Variants in XPO7 observed in about 807,000 individuals in gnomAD.
The protein encoded by XPO7 is exportin 7.
A neutral mutation model predicts 144.3 loss-of-function variants in XPO7; 21 were observed. That is an observed-to-expected ratio of 0.15 (90% confidence interval 0.10 to 0.21). XPO7 has a LOEUF of 0.21. Among genes scored for constraint, XPO7 ranks in the 10% least tolerant of loss-of-function variants. The pLI, the probability that XPO7 is intolerant of heterozygous loss-of-function variation, is 1.00. For synonymous variants in XPO7, 580 were observed against 499.6 expected (o/e 1.16, Z -2.15); for missense variants, 808 against 1,325.8 (o/e 0.61, Z 6.06).
Position 21,999,663 on chromosome 8 carries a change from T to G in XPO7, c.2771T>G (p.Leu924Arg). The G allele has an allele frequency of 6.2e-7, 1 of 1,614,066 alleles. No individual in the cohort carries two copies. Among genetic ancestry groups the G allele is most frequent in the Non-Finnish European group, 8.5e-7 (1 of 1,179,900 alleles). The stretch of plus-strand genomic sequence containing the variant: ...ATTCTCTCTTCCATTTCTGAAGGAC[T>G]TACTGCACTTGGTAAGCACCTGAGG... ...MYILSSISEG[L>R]TALDTMVCTG... The change falls in exon 24 of 28, where the codon CTT becomes CGT. Residue 924 changes from leucine (L) to arginine (R), a missense_variant. Around this residue, in one of 5 missense-constraint regions of XPO7, gnomAD observed 140 missense variants for 237.9 expected, o/e 0.59. Coordinates refer to ENST00000252512, the MANE Select transcript of XPO7 (RefSeq NM_015024.5).
At position 21,938,167 on chromosome 8, in the gene XPO7, AAAAC is replaced by A. The variant is rs558899351; in HGVS notation, c.18+18384_18+18387del. 2.0e-3 allele frequency among the ~76,000 whole-genome samples: 308 copies of A among 152,344 alleles called. 1 individual carries two copies. The highest frequency in any genetic ancestry group is 6.9e-3 in the African/African-American group (285 of 41,584). Reference sequence around the variant, plus strand: ...CAACTATAAACAGATTTACAGATTTAAAACAAACCACAGAACCAGTTACATTCAA... The same window carrying A: ...CAACTATAAACAGATTTACAGATTTAAAACCACAGAACCAGTTACATTCAA... On this transcript the variant is annotated intron_variant, in intron 1 of 27. Coordinates refer to ENST00000252512, the MANE Select transcript of XPO7 (RefSeq NM_015024.5).
chr8:21,986,978 C>T (rs563548053), intron 13 of XPO7, among the ~76,000 whole-genome samples, 163 bp from the exon 14 acceptor site: 1 of 152,330 alleles, frequency 6.6e-6, no homozygotes, highest in Non-Finnish European at 1.5e-5. Flanking sequence ...AGATTGAAAA[C>T]TCCTGGTCTA....
intron 1 of XPO7, among the ~76,000 whole-genome samples, chr8:21,945,304 ACT>A (rs1811154407): frequency 6.6e-6 from 1 of 152,164 alleles, no homozygotes; most frequent in African/African-American, 2.4e-5. Context: ...CGCAAAGGAA[ACT>A]CATATAAAAA....
At chr8:21,946,887 A>G (rs1811212127) in intron 1 of XPO7, among the ~76,000 whole-genome samples, 1 of 152,190 alleles carries the variant, frequency 6.6e-6, no homozygotes, top group Non-Finnish European at 1.5e-5. Flanking sequence ...CTCAACAGCA[A>G]CCTGGAAGCC....
At chr8:21,992,059 C>A in intron 19 of XPO7, 85 bp downstream of exon 19, 1 of 959,530 alleles carries the variant, frequency 1.0e-6, no homozygotes, top group Non-Finnish European at 1.6e-6. Context: ...TGTAAACTAT[C>A]CACTGCCATA....
At chr8:21,943,419 C>G (rs1811058781) in intron 1 of XPO7, among the ~76,000 whole-genome samples, 1 of 152,184 alleles carries the variant, frequency 6.6e-6, no homozygotes, top group African/African-American at 2.4e-5. Context: ...TTCTAATTCA[C>G]ATCATCTGAG....
chr8:21,945,067 T>C (rs529739405), intron 1 of XPO7, among the ~76,000 whole-genome samples: 4 of 152,332 alleles, frequency 2.6e-5, no homozygotes, highest in Admixed American at 6.5e-5. Flanking sequence ...TTCCCCCTTT[T>C]CTATTCGACA....
chr8:21,951,491 G>A (rs1255205460), intron 1 of XPO7, among the ~76,000 whole-genome samples: 1 of 152,010 alleles, frequency 6.6e-6, no homozygotes, highest in Non-Finnish European at 1.5e-5. Flanking sequence ...TTGTTGTATG[G>A]ATCCTGTTTC....
At chr8:21,934,226 G>T (rs1009195063) in intron 1 of XPO7, among the ~76,000 whole-genome samples, 1 of 151,972 alleles carries the variant, frequency 6.6e-6, no homozygotes, top group Non-Finnish European at 1.5e-5. Flanking sequence ...GGCCAGGTGC[G>T]GTGGCTCATG....
intron 1 of XPO7, among the ~76,000 whole-genome samples, chr8:21,932,419 G>C (rs897035120): frequency 2.0e-5 from 3 of 152,100 alleles, no homozygotes; most frequent in African/African-American, 7.2e-5. Context: ...TTGTCAGAGG[G>C]TAAATATGAA....
intron 1 of XPO7, among the ~76,000 whole-genome samples, chr8:21,950,713 T>C (rs1811341683): frequency 6.6e-6 from 1 of 152,194 alleles, no homozygotes; most frequent in Non-Finnish European, 1.5e-5. Context: ...TATATTCATA[T>C]TTGTTTTTCA....
rs1484323083 is a variant in XPO7 at position 21,976,506 on chromosome 8, A to C, written c.748A>C (p.Thr250Pro). The C allele has an allele frequency of 6.2e-7, 1 of 1,611,778 alleles. No individual in the cohort carries two copies. Among genetic ancestry groups the C allele is most frequent in the Admixed American group, 1.7e-5 (1 of 59,774 alleles). The change falls in exon 7 of 28, where the codon ACC becomes CCC. Residue 250 changes from threonine to proline, a missense_variant. Coordinates refer to ENST00000252512, the MANE Select transcript of XPO7 (RefSeq NM_015024.5). ...SDDLCTVQIP[T>P]SWRSAFLDSS... ...CGACCTGTGTACAGTGCAGATTCCC[A>C]CCAGCTGGAGATCAGGTAACAGAAC...
intron 3 of XPO7, chr8:21,969,792 T>C (rs952512396): frequency 7.1e-6 from 4 of 562,896 alleles, no homozygotes; most frequent in Non-Finnish European, 3.1e-6. Flanking sequence ...CCTTTTGTTA[T>C]CGGGAGATTT....
Position 22,003,301 on chromosome 8 carries a change from T to C in XPO7, c.3026T>C (p.Ile1009Thr). ...ATGTCCCGACCACTACTTGGCTTGA[T>C]ATTGCTTAATGAAAAGGTGAGAGAG... ...WSMSRPLLGL[I>T]LLNEKYFSDL... Residue 1009 changes from isoleucine to threonine, a missense_variant, in exon 26 of 28, where the codon ATA becomes ACA. This residue lies in a region of XPO7 where 140 missense variants were observed against 237.9 expected (regional missense o/e 0.59). Transcript: ENST00000252512. 1 of 1,611,068 alleles carries C rather than the reference T, an allele frequency of 6.2e-7. No homozygotes were observed. Among genetic ancestry groups the C allele is most frequent in the Non-Finnish European group, 8.5e-7 (1 of 1,178,770 alleles).
chr8:21,975,365 A>G (rs1273232101), intron 6 of XPO7, among the ~76,000 whole-genome samples: 1 of 152,240 alleles, frequency 6.6e-6, no homozygotes, highest in Non-Finnish European at 1.5e-5. Flanking sequence ...TAAAATCGAA[A>G]GTTGGTGTTT....
At chr8:21,981,998 C>A in intron 10 of XPO7, 121 bp downstream of exon 10, 2 of 1,296,856 alleles carry the variant, frequency 1.5e-6, no homozygotes, top group South Asian at 1.5e-5. Flanking sequence ...CCAGTATAGC[C>A]CTACAGAGTA....
rs1350151559 is a variant in XPO7 at position 22,006,467 on chromosome 8, T to G, written c.*1379T>G. ...CTGTTAATTTTTTTTCCTTCTCCTCTGGCGACTGTGTGATGAATCCTTTCT... is the reference window on the plus strand; with the variant it reads ...CTGTTAATTTTTTTTCCTTCTCCTCGGGCGACTGTGTGATGAATCCTTTCT... On this transcript the variant is annotated 3_prime_UTR_variant, in exon 28 of 28. Coordinates refer to ENST00000252512, the MANE Select transcript of XPO7 (RefSeq NM_015024.5). 2.0e-5 allele frequency: 3 copies of G among 152,214 alleles called. No homozygotes were observed. The highest frequency in any genetic ancestry group is 4.4e-5 in the Non-Finnish European group (3 of 68,048). The allele number at this position is 152,214 out of a possible 1,614,324, so 9.4% of individuals were successfully genotyped here. A position where few individuals can be genotyped will look rare whatever the true frequency, so the allele number is the denominator to read the frequency against.
intron 19 of XPO7, 131 bp from the exon 20 acceptor site, chr8:21,994,232 C>A: frequency 1.7e-6 from 1 of 577,974 alleles, no homozygotes; most frequent in Non-Finnish European, 3.1e-6. Flanking sequence ...ATATTGAATC[C>A]GAATATTTGA....
intron 1 of XPO7, among the ~76,000 whole-genome samples, chr8:21,927,640 G>C (rs1277604520): frequency 6.6e-6 from 1 of 151,542 alleles, no homozygotes; most frequent in African/African-American, 2.4e-5. Flanking sequence ...CTGCCTCCCG[G>C]GTTCAAGCAG....
Sources: gnomAD v4.1 joint callset for allele counts (sites outside exome capture counted in the v4.1 genomes callset) on GRCh38, gnomAD v4.1.1 for gene constraint, gnomAD v4.1.1 regional missense constraint, MANE v1.5 for transcripts, NCBI Gene and HGNC (gene_info 2026-07-23, HGNC 2026-07-21) for gene names.